Variants in SMYD3 observed in about 807,000 individuals in gnomAD.
The protein encoded by SMYD3 is SET and MYND domain containing 3.
A neutral mutation model predicts 57.7 loss-of-function variants in SMYD3; 36 were observed. That is an observed-to-expected ratio of 0.62 (90% confidence interval 0.48 to 0.82). The LOEUF is 0.82. Among genes scored for constraint, SMYD3 ranks in the 40% least tolerant of loss-of-function variants. The pLI, the probability that SMYD3 is intolerant of heterozygous loss-of-function variation, is 0.00. For synonymous variants in SMYD3, 211 were observed against 195.0 expected, an observed-to-expected ratio of 1.08 and a Z score of -0.68; for missense variants, 515 against 538.8, an observed-to-expected ratio of 0.96 and a Z score of 0.44.
chr1:246,392,507 A>G (rs981721325), intron 1 of SMYD3, among the ~76,000 whole-genome samples: 25 of 151,944 alleles, frequency 1.6e-4, no homozygotes, highest in African/African-American at 5.8e-4. Flanking sequence ...CCCAGGCTGG[A>G]GTGCAGTGTG....
chr1:245,978,255 AT>A (rs1302303964), intron 5 of SMYD3, among the ~76,000 whole-genome samples: 4 of 152,234 alleles, frequency 2.6e-5, no homozygotes, highest in Non-Finnish European at 5.9e-5. Context: ...TGATAAGTTC[AT>A]CTAGGGCAAG....
intron 5 of SMYD3, among the ~76,000 whole-genome samples, chr1:246,076,531 G>GACTTAAC (rs2060550288): frequency 1.3e-5 from 2 of 152,042 alleles, no homozygotes; most frequent in African/African-American, 2.4e-5. Context: ...TAACTATATA[G>GACTTAAC]TCAATCAACT....
intron 1 of SMYD3, among the ~76,000 whole-genome samples, chr1:246,489,833 T>A (rs2068242169): frequency 6.6e-6 from 1 of 152,202 alleles, no homozygotes; most frequent in Admixed American, 6.5e-5. Context: ...TTATTTGAGC[T>A]TGAAGTCTTT....
intron 1 of SMYD3, among the ~76,000 whole-genome samples, chr1:246,486,923 T>C (rs12565947): frequency 0.45 from 68,823 of 151,924 alleles, 16,015 homozygotes; most frequent in Middle Eastern, 0.65. Flanking sequence ...TTCAAAAAGG[T>C]AGGCCCATGG....
chr1:246,329,683 C>G (rs999127792), intron 4 of SMYD3, among the ~76,000 whole-genome samples: 1 of 152,240 alleles, frequency 6.6e-6, no homozygotes, highest in South Asian at 2.1e-4. Flanking sequence ...TGTGCAGAAG[C>G]TCTTTAGTTT....
At chr1:246,243,268 A>T (rs1230268115) in intron 5 of SMYD3, among the ~76,000 whole-genome samples, 2 of 151,752 alleles carry the variant, frequency 1.3e-5, no homozygotes. Flanking sequence ...ATTTTAGTCC[A>T]GTTCCTGCAT....
chr1:246,159,459 C>A (rs1282867140), intron 5 of SMYD3, among the ~76,000 whole-genome samples: 1 of 152,122 alleles, frequency 6.6e-6, no homozygotes, highest in East Asian at 1.9e-4. Flanking sequence ...GAAGCCCTGC[C>A]CATAAGTGTT....
intron 1 of SMYD3, among the ~76,000 whole-genome samples, chr1:246,400,870 T>C (rs886512836): frequency 1.3e-5 from 2 of 152,150 alleles, no homozygotes; most frequent in Non-Finnish European, 2.9e-5. Context: ...ACAAATATGT[T>C]TTCTTCGGAA....
intron 5 of SMYD3, among the ~76,000 whole-genome samples, chr1:246,132,174 G>C (rs769723391): frequency 1.2e-4 from 18 of 152,024 alleles, no homozygotes. Flanking sequence ...GAGAAGTAGT[G>C]TATATATTAA....
At chr1:245,917,220 T>A (rs2055498253) in intron 7 of SMYD3, among the ~76,000 whole-genome samples, 1 of 152,124 alleles carries the variant, frequency 6.6e-6, no homozygotes, top group Admixed American at 6.5e-5. Context: ...CTTGTAGAGA[T>A]GGAGTTTCGC....
At chr1:246,027,838 A>G (rs2148250895) in intron 5 of SMYD3, among the ~76,000 whole-genome samples, 1 of 152,348 alleles carries the variant, frequency 6.6e-6, no homozygotes, top group Non-Finnish European at 1.5e-5. Context: ...GCTGCCATCA[A>G]TATTGATTCT....
intron 5 of SMYD3, among the ~76,000 whole-genome samples, chr1:246,223,083 G>A (rs774815390): frequency 6.6e-6 from 1 of 152,100 alleles, no homozygotes; most frequent in Non-Finnish European, 1.5e-5. Context: ...CTTCCTGAAG[G>A]TTCCAGCAAA....
At chr1:245,917,347 T>C (rs1470201333) in intron 7 of SMYD3, among the ~76,000 whole-genome samples, 2 of 152,218 alleles carry the variant, frequency 1.3e-5, no homozygotes, top group African/African-American at 2.4e-5. Context: ...TAATAATTTA[T>C]TTTCACTAGA....
chr1:246,097,694 C>T (rs931807748), intron 5 of SMYD3, among the ~76,000 whole-genome samples: 4 of 152,000 alleles, frequency 2.6e-5, no homozygotes, highest in Non-Finnish European at 5.9e-5. Context: ...TCACACAATA[C>T]CTTCTGCTTC....
chr1:246,443,739 G>A (rs535936468), intron 1 of SMYD3, among the ~76,000 whole-genome samples: 4 of 152,236 alleles, frequency 2.6e-5, no homozygotes, highest in South Asian at 4.2e-4. Context: ...TGATGGCATG[G>A]ATATAGTTTC....
chr1:245,846,607 C>T lies in SMYD3; in HGVS notation c.1076+11889G>A, dbSNP rs146209093. Among the ~76,000 whole-genome samples the T allele has an allele frequency of 2.7e-3, 409 of 152,302 alleles. 2 individuals carry two copies. Among genetic ancestry groups the T allele is most frequent in the African/African-American group, 9.3e-3 (385 of 41,570 alleles). ...ACTAAGTCTCAGCCTCAGCTTCTGC[C>T]ACAGAGGACAAGAGAGGTTAACATC... On this transcript the variant is annotated intron_variant, in intron 10 of 11. Coordinates refer to ENST00000490107, the MANE Select transcript of SMYD3 (RefSeq NM_001167740.2).
intron 5 of SMYD3, among the ~76,000 whole-genome samples, chr1:246,121,432 C>CAAAAA (rs10646615): frequency 1.5e-4 from 15 of 100,310 alleles, no homozygotes; most frequent in South Asian, 3.8e-4. Flanking sequence ...TTCCATTTTG[C>CAAAAA]AAAAAAAAAA....
intron 10 of SMYD3, among the ~76,000 whole-genome samples, chr1:245,839,414 C>T (rs1231934968): frequency 6.6e-6 from 1 of 152,068 alleles, no homozygotes; most frequent in African/African-American, 2.4e-5. Flanking sequence ...CGTGATCCGC[C>T]CACCTCGGCC....
At chr1:245,824,486 G>A (rs1049696167) in intron 10 of SMYD3, among the ~76,000 whole-genome samples, 4 of 152,206 alleles carry the variant, frequency 2.6e-5, no homozygotes, top group African/African-American at 4.8e-5. Flanking sequence ...GGAGGCCAAG[G>A]CGGGTGGATC....
Sources: allele counts gnomAD v4.1 joint callset (sites outside exome capture counted in the v4.1 genomes callset), GRCh38; gene constraint gnomAD v4.1.1; transcripts MANE v1.5; gene names NCBI Gene and HGNC (gene_info 2026-07-23, HGNC 2026-07-21).